The following DCAF4 variants were observed in gnomAD, a reference collection of about 807,000 sequenced individuals.
DCAF4 encodes the protein DDB1- and CUL4-associated factor 4.
DCAF4 carries 37 observed loss-of-function variants against 60.9 expected under a neutral mutation model. The ratio of observed to expected loss-of-function variants is 0.61; its 90% CI spans 0.47 to 0.80. DCAF4 has a LOEUF of 0.80. Ranked by LOEUF, DCAF4 falls within the 30% of genes least tolerant of loss-of-function variation. DCAF4 has a pLI of 0.00. For missense variants in DCAF4, 577 were observed against 650.0 expected, an observed-to-expected ratio of 0.89 and a Z score of 1.22; for synonymous variants, 243 against 254.8, an observed-to-expected ratio of 0.95 and a Z score of 0.44.
At chr14:72,961,927 C>A (rs545723756), downstream of DCAF4, 4 of 1,144,380 alleles carry the variant, frequency 3.5e-6, no homozygotes, top group Admixed American at 1.4e-4. Flanking sequence ...GTTTGGCTAC[C>A]GCGGGAACAC....
At chr14:72,928,086 C>T (rs563175947) in intron 1 of DCAF4, among the ~76,000 whole-genome samples, 128 of 151,820 alleles carry the variant, frequency 8.4e-4, no homozygotes, top group African/African-American at 2.8e-3. Context: ...GAGGCGTGAG[C>T]CACCGCCCTG....
chr14:72,953,628 T>C, intron 9 of DCAF4, among the ~76,000 whole-genome samples: 1 of 143,646 alleles, frequency 7.0e-6, no homozygotes, highest in Admixed American at 7.3e-5. Flanking sequence ...GAGGATTCCT[T>C]GAGCCTGGGA....
Position 72,954,445 on chromosome 14 carries a change from A to T in DCAF4, c.967A>T (p.Thr323Ser). 6.2e-7 allele frequency: 1 copy of T among 1,614,138 alleles called. No homozygotes were observed. The highest frequency in any genetic ancestry group is 8.5e-7 in the Non-Finnish European group (1 of 1,180,024). Reference protein sequence around the residue: ...VVTGHRQSFGTNSDVLAQQFA... With the variant: ...VVTGHRQSFGSNSDVLAQQFA... ...GACGGGACACCGGCAGTCCTTTGGG[A>T]CCAACAGTGATGTCTTGGCCCAGCA... The change falls in exon 11 of 14, where the codon ACC becomes TCC. Residue 323 changes from threonine (T) to serine (S), a missense_variant. Transcript: ENST00000358377.
chr14:72,934,862 G>T (rs1165795244), intron 1 of DCAF4, among the ~76,000 whole-genome samples: 1 of 152,178 alleles, frequency 6.6e-6, no homozygotes, highest in Non-Finnish European at 1.5e-5. Context: ...GTAGTAAGTG[G>T]AAATAACCCA....
Position 72,956,388 on chromosome 14 carries a change from C to T in DCAF4, c.1182C>T (p.Ile394=), listed in dbSNP as rs1268456525. 6.2e-7 allele frequency: 1 copy of T among 1,602,700 alleles called. No homozygotes were observed. The highest frequency in any genetic ancestry group is 8.5e-7 in the Non-Finnish European group (1 of 1,174,294). Residue 394 remains isoleucine, a splice_region_variant and synonymous_variant, in exon 13 of 14, where the codon ATC becomes ATT. Coordinates refer to ENST00000358377, the MANE Select transcript of DCAF4 (RefSeq NM_015604.4). ...GGCCCCTGGTGCTTTTTCCACAGAT[C>T]AAGCTGTGGGACCTGAGGACCACGA... The part of the protein sequence containing the change: ...YLMASDMAGK[I]KLWDLRTTKC...
intron 6 of DCAF4, 28 bp downstream of exon 6, chr14:72,943,124 GGT>G: frequency 6.2e-7 from 1 of 1,603,850 alleles, no homozygotes; most frequent in Non-Finnish European, 8.5e-7. Flanking sequence ...ACCTGCCTAG[GGT>G]GTGGCTGCCA....
At position 72,943,074 on chromosome 14, in the gene DCAF4, G is replaced by A. The variant is rs759347791; in HGVS notation, c.512G>A (p.Ser171Asn). The change falls in exon 6 of 14, where the codon AGC becomes AAC. Residue 171 changes from serine to asparagine, a missense_variant. Coordinates refer to ENST00000358377, the MANE Select transcript of DCAF4 (RefSeq NM_015604.4). The part of the protein sequence containing the change: ...IRSMDPSALA[S>N]DRFNLILADT... ...AGCATGGATCCCTCCGCCTTGGCAAGCGACCGATTTAACCTCATACTGGTG... is the reference window on the plus strand; with the variant it reads ...AGCATGGATCCCTCCGCCTTGGCAAACGACCGATTTAACCTCATACTGGTG... 2.3e-5 allele frequency: 37 copies of A among 1,614,172 alleles called. No individual in the cohort carries two copies. In the Admixed American group the frequency reaches 5.3e-4, roughly 23 times the overall value.
chr14:72,934,570 G>T (rs1013970625), intron 1 of DCAF4, among the ~76,000 whole-genome samples: 2 of 152,270 alleles, frequency 1.3e-5, no homozygotes, highest in African/African-American at 4.8e-5. Context: ...GATTACAGGC[G>T]TGAACCACCA....
At position 72,945,925 on chromosome 14, in the gene DCAF4, T is replaced by G. The variant is rs1231119287; in HGVS notation, c.576T>G (p.Val192=). The G allele has an allele frequency of 6.2e-7, 1 of 1,614,044 alleles. No individual in the cohort carries two copies. The change falls in exon 7 of 14, where the codon GTT becomes GTG. Residue 192 remains valine, a synonymous_variant. Transcript: ENST00000358377. ...ACCGGCTCTTCACAGTGAACGATGTTAAAGTTGGAGGCTCCAAGTATGGTA... is the reference window on the plus strand; with the variant it reads ...ACCGGCTCTTCACAGTGAACGATGTGAAAGTTGGAGGCTCCAAGTATGGTA... ...NSDRLFTVND[V]KVGGSKYGII...
At chr14:72,942,678 G>GT (rs1325873198) in intron 5 of DCAF4, 1 of 283,914 alleles carries the variant, frequency 3.5e-6, no homozygotes, top group South Asian at 5.4e-5. Flanking sequence ...CCAGACCATT[G>GT]TTTCATCTCC....
chr14:72,945,966 G>T lies in DCAF4; in HGVS notation c.617G>T (p.Ser206Ile). ...GSKYGIINLQSLKTPTLKVFM... is the reference protein window; with the variant it reads ...GSKYGIINLQILKTPTLKVFM... ...AAGTATGGTATCATCAACCTGCAAA[G>T]TCTGAAGACCCCTACGCTCAAGGTG... The change falls in exon 7 of 14, where the codon AGT becomes ATT. Residue 206 changes from serine to isoleucine, a missense_variant. Ser to Ile is a moderately radical substitution (Grantham distance 142). Transcript: ENST00000358377. 1 of 1,614,136 alleles carries T rather than the reference G, an allele frequency of 6.2e-7. No homozygotes were observed. Among genetic ancestry groups the T allele is most frequent in the Non-Finnish European group, 8.5e-7 (1 of 1,180,026 alleles).
At chr14:72,929,122 C>A (rs1409359900) in intron 1 of DCAF4, among the ~76,000 whole-genome samples, 1 of 152,032 alleles carries the variant, frequency 6.6e-6, no homozygotes, top group Admixed American at 6.6e-5. Flanking sequence ...CCCCGCCCCC[C>A]ACCCCGCCCG....
At chr14:72,943,655 C>T (rs1890339123) in intron 6 of DCAF4, among the ~76,000 whole-genome samples, 1 of 152,124 alleles carries the variant, frequency 6.6e-6, no homozygotes, top group Admixed American at 6.5e-5. Flanking sequence ...CCGCTTAAAC[C>T]CAGGGGCCAG....
At chr14:72,948,512 G>A (rs1225888338) in intron 8 of DCAF4, among the ~76,000 whole-genome samples, 1 of 152,186 alleles carries the variant, frequency 6.6e-6, no homozygotes, top group South Asian at 2.1e-4. Context: ...TTACTATGAT[G>A]ATCTAACCAG....
intron 1 of DCAF4, among the ~76,000 whole-genome samples, chr14:72,936,682 C>G (rs949535391): frequency 6.6e-6 from 1 of 152,076 alleles, no homozygotes; most frequent in African/African-American, 2.4e-5. Flanking sequence ...ATCATGAACT[C>G]ACTTTTGAAC....
chr14:72,944,784 T>A (rs1393247955), intron 6 of DCAF4, among the ~76,000 whole-genome samples: 1 of 150,840 alleles, frequency 6.6e-6, no homozygotes, highest in Non-Finnish European at 1.5e-5. Flanking sequence ...CAATCAAGAC[T>A]CTGTCTCAAG....
intron 1 of DCAF4, chr14:72,929,837 G>T: frequency 7.2e-7 from 1 of 1,382,006 alleles, no homozygotes; most frequent in Non-Finnish European, 1.0e-6. Flanking sequence ...TTGCTCAGAC[G>T]CCCGCGGCGG....
rs774528760 is a variant in DCAF4 at position 72,940,308 on chromosome 14, G to T, written c.282G>T (p.Glu94Asp). The change falls in exon 4 of 14, where the codon GAG becomes GAT. Residue 94 changes from glutamate to aspartate, a missense_variant. Coordinates refer to ENST00000358377, the MANE Select transcript of DCAF4 (RefSeq NM_015604.4). ...GHNNCNPLTK[E>D]SIRQKEMESK... ...ACAACTGCAACCCCCTGACGAAAGA[G>T]AGCATCCGGCAGAAGGAGATGGAGA... The T allele has an allele frequency of 4.2e-5, 67 of 1,614,072 alleles. No homozygotes were observed. Among genetic ancestry groups the T allele is most frequent in the Non-Finnish European group, 5.6e-5 (66 of 1,180,056 alleles).
chr14:72,940,027 G>A lies in DCAF4; in HGVS notation c.193+125G>A, dbSNP rs1391198232. The stretch of plus-strand genomic sequence containing the variant: ...TCAGGGAAGGAGCTGGGTGCGTCAG[G>A]AATGGTGGTCATGAGGCAAACCGCC... On this transcript the variant is annotated intron_variant, in intron 3 of 13. Coordinates refer to ENST00000358377, the MANE Select transcript of DCAF4 (RefSeq NM_015604.4). The A allele has an allele frequency of 4.2e-6, 5 of 1,192,630 alleles. No homozygotes were observed. In the African/African-American group the frequency reaches 7.7e-5, roughly 18 times the overall value. 73.9% of individuals were successfully genotyped at this position (1,192,630 alleles called of 1,614,324 possible).
Sources: gnomAD v4.1 joint callset for allele counts (sites outside exome capture counted in the v4.1 genomes callset) on GRCh38, gnomAD v4.1.1 for gene constraint, MANE v1.5 for transcripts, NCBI Gene and HGNC (gene_info 2026-07-23, HGNC 2026-07-21) for gene names.